The following RTL4 variants were observed in gnomAD, a reference collection of about 807,000 sequenced individuals.
RTL4 encodes retrotransposon Gag-like protein 4.
RTL4 carries 4 observed loss-of-function variants against 5.3 expected under a neutral mutation model. That is an observed-to-expected ratio of 0.75 (90% CI 0.37 to 1.72). The LOEUF is 1.72. Ranked by LOEUF, RTL4 falls within the 40% of genes most tolerant of loss-of-function variation. The pLI is 0.04. For synonymous variants in RTL4, 98 were observed against 87.3 expected (o/e 1.12, Z -0.68); for missense variants, 260 against 227.1 (o/e 1.14, Z -0.93).
At chrX:112,267,845 C>T in the RTL4 span, among the ~76,000 whole-genome samples, 1 of 110,738 alleles carries the variant, frequency 9.0e-6, no homozygotes, top group Non-Finnish European at 1.9e-5. Context: ...TTAGCATTAC[C>T]TTCAAAATAT....
At chrX:112,234,623 C>T in the RTL4 span, among the ~76,000 whole-genome samples, 2 of 111,779 alleles carry the variant, frequency 1.8e-5, no homozygotes, top group East Asian at 5.7e-4. Flanking sequence ...TACTTGAATC[C>T]CACCCGCCCA....
chrX:112,442,423 T>C, the RTL4 span, among the ~76,000 whole-genome samples: 1 of 108,532 alleles, frequency 9.2e-6, no homozygotes, highest in African/African-American at 3.4e-5. Flanking sequence ...GTATTTTTTT[T>C]TTTTTAGTAT....
the RTL4 span, among the ~76,000 whole-genome samples, chrX:112,296,611 C>CTTTT: frequency 1.1e-5 from 1 of 92,528 alleles, no homozygotes. Flanking sequence ...TTCTTTTCTT[C>CTTTT]TTTTTTTTTT....
chrX:112,202,642 C>A, the RTL4 span, among the ~76,000 whole-genome samples: 1 of 108,056 alleles, frequency 9.3e-6, no homozygotes, highest in Non-Finnish European at 1.9e-5. Flanking sequence ...CTCACTGCAA[C>A]CTCCGCCTCC....
the RTL4 span, among the ~76,000 whole-genome samples, chrX:112,183,196 C>A: frequency 8.9e-6 from 1 of 112,274 alleles, no homozygotes. Flanking sequence ...CTGGTTCCAG[C>A]CACTGCAAAA....
At chrX:112,412,941 CATGTAA>C in the RTL4 span, among the ~76,000 whole-genome samples, 1 of 105,108 alleles carries the variant, frequency 9.5e-6, no homozygotes, top group African/African-American at 3.9e-5. Context: ...GGAGAAAATA[CATGTAA>C]ACTATCCATC....
the RTL4 span, among the ~76,000 whole-genome samples, chrX:112,332,409 A>G: frequency 9.0e-6 from 1 of 110,614 alleles, no homozygotes; most frequent in Non-Finnish European, 1.9e-5. Flanking sequence ...ACTATTCACA[A>G]TAGCAAAGAC....
chrX:112,184,012 T>C, the RTL4 span, among the ~76,000 whole-genome samples: 3 of 110,890 alleles, frequency 2.7e-5, no homozygotes, highest in Non-Finnish European at 5.7e-5. Context: ...CTGGCTCAAA[T>C]GGTATTTCTA....
At chrX:112,242,346 T>C in the RTL4 span, among the ~76,000 whole-genome samples, 3 of 111,859 alleles carry the variant, frequency 2.7e-5, no homozygotes, top group Non-Finnish European at 5.6e-5. Context: ...TGTAATTCCA[T>C]TCGTTTGTGT....
At chrX:112,146,198 C>T in the RTL4 span, among the ~76,000 whole-genome samples, 24 of 110,621 alleles carry the variant, frequency 2.2e-4, no homozygotes, top group Non-Finnish European at 3.8e-4. Flanking sequence ...GTGAAGATTG[C>T]GAATTTTGGA....
At chrX:112,126,188 G>A in the RTL4 span, among the ~76,000 whole-genome samples, 1 of 111,685 alleles carries the variant, frequency 9.0e-6, no homozygotes, top group African/African-American at 3.3e-5. Context: ...ACACAAGCTG[G>A]TCCTCACACA....
At chrX:112,403,907 T>G in the RTL4 span, among the ~76,000 whole-genome samples, 1 of 112,586 alleles carries the variant, frequency 8.9e-6, no homozygotes, top group Non-Finnish European at 1.9e-5. Flanking sequence ...GTTACCAGCA[T>G]TTAAAAATCA....
the RTL4 span, among the ~76,000 whole-genome samples, chrX:112,127,863 C>G: frequency 9.0e-6 from 1 of 111,182 alleles, no homozygotes; most frequent in Non-Finnish European, 1.9e-5. Flanking sequence ...AAATGTTTAA[C>G]CAAGGAAGGA....
At chrX:112,161,837 C>CT in the RTL4 span, among the ~76,000 whole-genome samples, 10,092 of 52,564 alleles carry the variant, frequency 0.19, 990 homozygotes, top group East Asian at 0.37. Context: ...TCCTTCCTTC[C>CT]TTCCTTCCTT....
chrX:112,105,172 G>C, the RTL4 span, among the ~76,000 whole-genome samples: 1 of 111,464 alleles, frequency 9.0e-6, no homozygotes, highest in African/African-American at 3.3e-5. Context: ...TGTATGCTTG[G>C]TAGTTTTGTC....
the RTL4 span, among the ~76,000 whole-genome samples, chrX:112,368,385 G>A: frequency 8.9e-6 from 1 of 111,910 alleles, no homozygotes; most frequent in African/African-American, 3.2e-5. Flanking sequence ...GATGACGGTA[G>A]TGCCATTTCC....
chrX:112,146,831 C>G, the RTL4 span, among the ~76,000 whole-genome samples: 2 of 107,734 alleles, frequency 1.9e-5, no homozygotes, highest in Non-Finnish European at 3.8e-5. Flanking sequence ...TAAGGACTAA[C>G]TGGAACTACT....
the RTL4 span, among the ~76,000 whole-genome samples, chrX:112,423,090 GTTGTT>G: frequency 9.4e-6 from 1 of 106,564 alleles, no homozygotes; most frequent in African/African-American, 3.4e-5. Context: ...ATGTCTTTGT[GTTGTT>G]TTATTTCATT....
At chrX:112,325,869 A>G in the RTL4 span, among the ~76,000 whole-genome samples, 1 of 112,055 alleles carries the variant, frequency 8.9e-6, no homozygotes, top group African/African-American at 3.2e-5. Flanking sequence ...CACGCAACCT[A>G]CAGAATGGGA....
Sources: gnomAD v4.1 joint callset for allele counts (sites outside exome capture counted in the v4.1 genomes callset) on GRCh38, gnomAD v4.1.1 for gene constraint, MANE v1.5 for transcripts, NCBI Gene and HGNC (gene_info 2026-07-23, HGNC 2026-07-21) for gene names.